The following SLC44A1 variants were observed in gnomAD, a reference collection of about 807,000 sequenced individuals.
SLC44A1 encodes solute carrier family 44 member 1.
In SLC44A1, 26 loss-of-function variants were observed where a neutral mutation model predicts 79.3. That is an observed-to-expected ratio of 0.33 (90% confidence interval 0.24 to 0.46). SLC44A1 has a LOEUF of 0.46. Among genes scored for constraint, SLC44A1 ranks in the 20% least tolerant of loss-of-function variants. SLC44A1 has a pLI of 1.00. For synonymous variants in SLC44A1, 263 were observed against 286.2 expected (o/e 0.92, Z 0.82); for missense variants, 688 against 798.1 (o/e 0.86, Z 1.66).
intron 15 of SLC44A1, among the ~76,000 whole-genome samples, chr9:105,419,287 T>A (rs1829213665): frequency 1.3e-5 from 2 of 152,236 alleles, no homozygotes. Flanking sequence ...ATTACCCTGC[T>A]GTATTTGTAC....
At chr9:105,318,263 C>T (rs1826264626) in intron 3 of SLC44A1, among the ~76,000 whole-genome samples, 1 of 152,144 alleles carries the variant, frequency 6.6e-6, no homozygotes, top group Non-Finnish European at 1.5e-5. Flanking sequence ...TCACTGCAAC[C>T]TCCGCCTCCC....
rs372444113 is a variant in SLC44A1 at position 105,335,736 on chromosome 9, C to A, written c.406+37C>A. On this transcript the variant is annotated intron_variant, in intron 4 of 15. Transcript: ENST00000374720. ...GGCCATCCAAATCTATGTCCTGTCA[C>A]CTTGTTCTCTTTGTTAAATATAAAT... The A allele has an allele frequency of 3.2e-6, 5 of 1,573,442 alleles. No homozygotes were observed. The African/African-American group carries it at 6.8e-5, about 21-fold the overall frequency.
At chr9:105,285,977 C>T (rs972007862) in intron 1 of SLC44A1, among the ~76,000 whole-genome samples, 2 of 152,032 alleles carry the variant, frequency 1.3e-5, no homozygotes, top group South Asian at 2.1e-4. Context: ...GGCATGTGCC[C>T]GTGGTCCCAG....
chr9:105,266,606 A>G (rs1477085954), intron 1 of SLC44A1, among the ~76,000 whole-genome samples: 2 of 152,202 alleles, frequency 1.3e-5, no homozygotes. Context: ...TTTCTCAAAT[A>G]TCAACCATAT....
chr9:105,435,956 G>A (rs184104692), intron 15 of SLC44A1, among the ~76,000 whole-genome samples: 1 of 152,172 alleles, frequency 6.6e-6, no homozygotes, highest in South Asian at 2.1e-4. Flanking sequence ...TCAACACTTC[G>A]GGAGGCCAAG....
intron 8 of SLC44A1, among the ~76,000 whole-genome samples, chr9:105,361,636 A>T (rs549326665): frequency 1.3e-5 from 2 of 152,368 alleles, no homozygotes; most frequent in East Asian, 1.9e-4. Flanking sequence ...ATTACTTTTT[A>T]AAAATGGTTC....
At chr9:105,404,272 A>G (rs376259584) in intron 15 of SLC44A1, among the ~76,000 whole-genome samples, 23 of 148,164 alleles carry the variant, frequency 1.6e-4, no homozygotes, top group African/African-American at 5.0e-4. Flanking sequence ...AGAGAAAGGG[A>G]TATATTTAAA....
In SLC44A1 at chr9:105,383,276, G is replaced by T. The variant is rs1334956392; in HGVS notation, c.1786G>T (p.Val596Leu). The change falls in exon 14 of 16, where the codon GTA (valine) becomes TTA (leucine). Residue 596 changes from valine to leucine, a missense_variant. Physicochemically the swap from Val to Leu is conservative, Grantham distance 32. Transcript: ENST00000374720. ...FLSIYEMVVD[V>L]LFLCFAIDTK... The stretch of plus-strand genomic sequence containing the variant: ...GTCTATTTATGAAATGGTAGTGGAT[G>T]TATTATTCTTGTGTTTTGCCATTGA... 1.9e-6 allele frequency: 3 copies of T among 1,613,756 alleles called. No homozygotes were observed. The highest frequency in any genetic ancestry group is 2.5e-6 in the Non-Finnish European group (3 of 1,179,788).
intron 8 of SLC44A1, among the ~76,000 whole-genome samples, chr9:105,362,234 T>C (rs1827805249): frequency 2.0e-5 from 3 of 152,220 alleles, no homozygotes; most frequent in Admixed American, 2.0e-4. Flanking sequence ...AATCCCAAGC[T>C]TTTTATTGAG....
At chr9:105,334,121 A>C (rs1826836740) in intron 3 of SLC44A1, among the ~76,000 whole-genome samples, 1 of 152,162 alleles carries the variant, frequency 6.6e-6, no homozygotes. Flanking sequence ...TCAGCCATGG[A>C]AACAGTCCAC....
chr9:105,256,749 T>TTATTC (rs1271646320), intron 1 of SLC44A1, among the ~76,000 whole-genome samples: 33 of 115,270 alleles, frequency 2.9e-4, no homozygotes, highest in African/African-American at 1.5e-3. Context: ...TATTTTTATT[T>TTATTC]TATTTTATTT....
chr9:105,316,583 G>A (rs562266107), intron 3 of SLC44A1, among the ~76,000 whole-genome samples: 3 of 152,160 alleles, frequency 2.0e-5, no homozygotes, highest in African/African-American at 2.4e-5. Context: ...CTTGGGTAAT[G>A]GAAAAAAAGG....
At chr9:105,349,024 A>G (rs1319299450) in intron 5 of SLC44A1, among the ~76,000 whole-genome samples, 3 of 152,228 alleles carry the variant, frequency 2.0e-5, no homozygotes, top group Non-Finnish European at 4.4e-5. Flanking sequence ...AGATGAAACA[A>G]GAAATGTTCT....
Position 105,280,914 on chromosome 9 carries a change from G to A in SLC44A1, c.37-18306G>A, listed in dbSNP as rs115346519. Among the ~76,000 whole-genome samples the A allele has an allele frequency of 3.6e-3, 546 of 152,364 alleles. 3 individuals are homozygous for A. The highest frequency in any genetic ancestry group is 0.013 in the African/African-American group (520 of 41,582). ...TCAAGGTTGTCTCTCATGAGCTGGT[G>A]TGAGTCAATGTGAGATCACTGCAGC... is the stretch of plus-strand genomic sequence containing the variant. On this transcript the variant is annotated intron_variant, in intron 1 of 15. Transcript: ENST00000374720.
rs59823075 is a variant in SLC44A1 at position 105,315,632 on chromosome 9, C to CT, written c.269+5767dup. Among the ~76,000 whole-genome samples the CT allele has an allele frequency of 1.1e-3, 166 of 152,266 alleles. 1 individual carries two copies. Among genetic ancestry groups the CT allele is most frequent in the African/African-American group, 3.9e-3 (163 of 41,540 alleles). On this transcript the variant is annotated intron_variant, in intron 3 of 15. Transcript: ENST00000374720. ...GGCCTATACTATACCACATAACCAT[C>CT]TATTTTAGGGAGAATATTATTCTTT...
At chr9:105,273,393 C>A (rs540889008) in intron 1 of SLC44A1, among the ~76,000 whole-genome samples, 27 of 152,264 alleles carry the variant, frequency 1.8e-4, no homozygotes, top group Non-Finnish European at 3.1e-4. Flanking sequence ...GGATGTTATT[C>A]CTTATTGTCA....
rs1043152710 is a variant in SLC44A1 at position 105,341,354 on chromosome 9, AAAAG to A, written c.406+5659_406+5662del. Among the ~76,000 whole-genome samples the A allele has an allele frequency of 1.8e-3, 278 of 151,502 alleles. 1 individual carries two copies. The highest frequency in any genetic ancestry group is 6.4e-3 in the African/African-American group (263 of 41,412). On this transcript the variant is annotated intron_variant, in intron 4 of 15. Coordinates refer to ENST00000374720, the MANE Select transcript of SLC44A1 (RefSeq NM_080546.5). The stretch of plus-strand genomic sequence containing the variant: ...TCGTCTCAAAAAAAAAAAAAAAAGA[AAAAG>A]AAAATAATAATAATAATAAAAGAAC...
Position 105,244,705 on chromosome 9 carries a change from G to C in SLC44A1, c.-164G>C, listed in dbSNP as rs951217967. On this transcript the variant is annotated 5_prime_UTR_variant, in exon 1 of 16. Coordinates refer to ENST00000374720, the MANE Select transcript of SLC44A1 (RefSeq NM_080546.5). ...GGGATGTGGCCGGCGCCTGCCTCTA[G>C]CCGCGCCGCCTCTTGAGTACCAGCC... 3 of 311,340 alleles carry C rather than the reference G, an allele frequency of 9.6e-6. No individual in the cohort carries two copies. Among genetic ancestry groups the C allele is most frequent in the African/African-American group, 2.2e-5 (1 of 44,964 alleles). 19.3% of individuals were successfully genotyped at this position (311,340 alleles called of 1,614,324 possible).
Position 105,361,198 on chromosome 9 carries a change from A to G in SLC44A1, c.768A>G (p.Thr256=), listed in dbSNP as rs200138044. The G allele has an allele frequency of 4.2e-5, 67 of 1,613,926 alleles. 2 individuals are homozygous for G. Among genetic ancestry groups the G allele is most frequent in the Admixed American group, 1.2e-4 (7 of 60,006 alleles). The stretch of plus-strand genomic sequence containing the variant: ...TGGGTCTTTTGTCTCCAGGAGGCAC[A>G]GGTGTACTATGGTGGCTGTATGCAA... The part of the protein sequence containing the change: ...ILVILGSLGG[T]GVLWWLYAKQ... Residue 256 remains threonine (T), a synonymous_variant, in exon 8 of 16, where the codon ACA becomes ACG. Transcript: ENST00000374720.
Sources: allele counts gnomAD v4.1 joint callset (sites outside exome capture counted in the v4.1 genomes callset), GRCh38; gene constraint gnomAD v4.1.1; transcripts MANE v1.5; gene names NCBI Gene and HGNC (gene_info 2026-07-23, HGNC 2026-07-21).